KDM4C: variants seen among roughly 807,000 people sequenced by gnomAD.
KDM4C encodes the protein lysine-specific demethylase 4C.
A neutral mutation model predicts 129.3 loss-of-function variants in KDM4C; 81 were observed. The ratio of observed to expected loss-of-function variants is 0.63; its 90% CI spans 0.52 to 0.75. The LOEUF (loss-of-function observed/expected upper bound fraction) is 0.75. KDM4C is among the 30% of genes least tolerant of loss of function. The probability of loss-of-function intolerance (pLI) is 0.00; values close to 1 mark genes in which losing one functional copy is unlikely to be tolerated. For synonymous variants in KDM4C, 573 were observed against 456.1 expected, an observed-to-expected ratio of 1.26 and a Z score of -3.26; for missense variants, 1,457 against 1,304.0, an observed-to-expected ratio of 1.12 and a Z score of -1.81.
chr9:6,886,893 C>T (rs1375559791), intron 6 of KDM4C, among the ~76,000 whole-genome samples: 1 of 152,220 alleles, frequency 6.6e-6, no homozygotes, highest in Non-Finnish European at 1.5e-5. Context: ...GGTGGGATTA[C>T]AGGCGTGAGT....
At chr9:7,081,954 ATGGACT>A (rs1387395304) in intron 17 of KDM4C, among the ~76,000 whole-genome samples, 2 of 152,164 alleles carry the variant, frequency 1.3e-5, no homozygotes, top group Admixed American at 6.5e-5. Flanking sequence ...TTGCCGGCTA[ATGGACT>A]TTTTAGAAAG....
chr9:6,977,986 T>C (rs1283924871), intron 8 of KDM4C, among the ~76,000 whole-genome samples: 1 of 152,230 alleles, frequency 6.6e-6, no homozygotes, highest in East Asian at 1.9e-4. Flanking sequence ...AACCTCAATG[T>C]TCTTGTGGTC....
At chr9:6,757,210 G>A (rs983144048), upstream of KDM4C, among the ~76,000 whole-genome samples, 1 of 152,138 alleles carries the variant, frequency 6.6e-6, no homozygotes, top group Non-Finnish European at 1.5e-5. Context: ...GACGCTGGAG[G>A]CACCTGCATT....
chr9:7,041,666 C>T (rs1587172175), intron 15 of KDM4C, among the ~76,000 whole-genome samples: 1 of 151,780 alleles, frequency 6.6e-6, no homozygotes, highest in African/African-American at 2.4e-5. Context: ...TCTTAGGTTC[C>T]TACAGTGGGG....
rs1837807713 is a variant in KDM4C, at chr9:6,846,071, G to A, written c.436-3436G>A. On this transcript the variant is annotated intron_variant, in intron 4 of 21. Coordinates refer to ENST00000381309, the MANE Select transcript of KDM4C (RefSeq NM_015061.6). ...AGCCTTGCTGGTATTTGTGTAGAGT[G>A]GCACTGCCTCTGGTGGGAAGAATGC... is the stretch of plus-strand genomic sequence containing the variant. Among the ~76,000 whole-genome samples the A allele has an allele frequency of 1.3e-5, 2 of 152,136 alleles. 1 individual carries two copies. Among genetic ancestry groups the A allele is most frequent in the South Asian group, 4.1e-4 (2 of 4,830 alleles).
rs1833544160 is a variant in KDM4C, at chr9:7,073,832, C to G, written c.2424+24632C>G. 2.6e-5 allele frequency among the ~76,000 whole-genome samples: 4 copies of G among 152,286 alleles called. No individual in the cohort carries two copies. In the South Asian group the frequency reaches 8.3e-4, roughly 32 times the overall value. On this transcript the variant is annotated intron_variant, in intron 17 of 21. Transcript: ENST00000381309. ...TGTCAGATCTGTTGGAAAGCTTTGACAAACAGTTGGTCTGTCAGAGACAGC... is the reference window on the plus strand; with the variant it reads ...TGTCAGATCTGTTGGAAAGCTTTGAGAAACAGTTGGTCTGTCAGAGACAGC...
intron 1 of KDM4C, chr9:6,748,755 C>T (rs570869435): frequency 1.1e-5 from 16 of 1,477,300 alleles, no homozygotes; most frequent in African/African-American, 5.5e-5. Flanking sequence ...TAGCATGATC[C>T]GACCCAGTTG....
At chr9:6,931,936 T>G (rs1023352798) in intron 8 of KDM4C, among the ~76,000 whole-genome samples, 1 of 152,226 alleles carries the variant, frequency 6.6e-6, no homozygotes, top group Non-Finnish European at 1.5e-5. Context: ...AAAGATATCC[T>G]AAGCAATAAT....
rs145220901 is a variant in KDM4C, at chr9:6,790,804, T to G, written c.-17-2168T>G. Among the ~76,000 whole-genome samples, 55 of 152,188 alleles carry G rather than the reference T, an allele frequency of 3.6e-4. No homozygotes were observed. In the East Asian group the frequency reaches 5.4e-3, roughly 15 times the overall value. On this transcript the variant is annotated intron_variant, in intron 1 of 21. Transcript: ENST00000381309. ...GGCAGCCACTTTAGTGCTTCTTACT[T>G]ACCTTTGCATTCTGTGTGCCTGTCT...
chr9:7,079,385 A>G (rs751773905), intron 17 of KDM4C, among the ~76,000 whole-genome samples: 3 of 152,186 alleles, frequency 2.0e-5, no homozygotes, highest in Non-Finnish European at 4.4e-5. Context: ...ATGTAGTAGT[A>G]CGATCTTGGC....
intron 8 of KDM4C, among the ~76,000 whole-genome samples, chr9:6,954,496 A>T (rs529085988): frequency 6.6e-6 from 1 of 152,288 alleles, no homozygotes; most frequent in South Asian, 2.1e-4. Flanking sequence ...CTCAGACATG[A>T]TCTTTTTATT....
intron 8 of KDM4C, among the ~76,000 whole-genome samples, chr9:6,949,710 C>T (rs968681391): frequency 7.2e-5 from 11 of 152,106 alleles, no homozygotes; most frequent in Non-Finnish European, 1.3e-4. Context: ...GGCGTGGCGG[C>T]GCGCGCCTGC....
chr9:7,099,101 T>C (rs1392704257), intron 17 of KDM4C, among the ~76,000 whole-genome samples: 1 of 152,148 alleles, frequency 6.6e-6, no homozygotes, highest in African/African-American at 2.4e-5. Flanking sequence ...AGAAAGAAAT[T>C]AGCTAATGTA....
intron 15 of KDM4C, among the ~76,000 whole-genome samples, chr9:7,033,286 T>G (rs1310297973): frequency 6.6e-6 from 1 of 152,182 alleles, no homozygotes. Context: ...AGGCAGGACA[T>G]TCACCATTGG....
At chr9:7,010,309 TAAC>T (rs760557979) in intron 12 of KDM4C, among the ~76,000 whole-genome samples, 16 of 152,202 alleles carry the variant, frequency 1.1e-4, no homozygotes, top group East Asian at 1.9e-4. Flanking sequence ...GTAAAAATAA[TAAC>T]AACAACAACC....
intron 1 of KDM4C, among the ~76,000 whole-genome samples, chr9:6,751,961 A>G (rs1017090505): frequency 3.2e-4 from 49 of 152,186 alleles, no homozygotes; most frequent in African/African-American, 1.1e-3. Flanking sequence ...AAGAAAGCCC[A>G]TGACAATTAG....
intron 17 of KDM4C, among the ~76,000 whole-genome samples, chr9:7,099,429 A>G (rs1262410292): frequency 6.6e-6 from 1 of 152,212 alleles, no homozygotes; most frequent in Non-Finnish European, 1.5e-5. Flanking sequence ...GGCCTATGCC[A>G]CTGGAATAAG....
At chr9:6,740,517 A>C (rs1304606171) in intron 1 of KDM4C, among the ~76,000 whole-genome samples, 1 of 135,710 alleles carries the variant, frequency 7.4e-6, no homozygotes, top group Non-Finnish European at 1.6e-5. Flanking sequence ...ACCCGGCCTA[A>C]TTTTTATTTA....
chr9:6,736,103 A>C (rs1287473476), intron 1 of KDM4C, among the ~76,000 whole-genome samples: 2 of 152,150 alleles, frequency 1.3e-5, no homozygotes, highest in Non-Finnish European at 2.9e-5. Flanking sequence ...GACAGAGATG[A>C]CTTAGGGTAT....
Sources: allele counts gnomAD v4.1 joint callset (sites outside exome capture counted in the v4.1 genomes callset), GRCh38; gene constraint gnomAD v4.1.1; transcripts MANE v1.5; gene names NCBI Gene and HGNC (gene_info 2026-07-23, HGNC 2026-07-21).